CENPT: variants seen among roughly 807,000 people sequenced by gnomAD.
CENPT encodes centromere protein T.
CENPT carries 42 observed loss-of-function variants against 59.7 expected under a neutral mutation model. The ratio of observed to expected loss-of-function variants is 0.70; its 90% CI spans 0.55 to 0.91. The LOEUF (loss-of-function observed/expected upper bound fraction) is 0.91, where lower values mean the gene tolerates loss of function less well. Among genes scored for constraint, CENPT ranks in the 40% least tolerant of loss-of-function variants. CENPT has a pLI of 0.00. For synonymous variants in CENPT, 295 were observed against 289.6 expected (o/e 1.02, Z -0.19); for missense variants, 716 against 713.4 (o/e 1.00, Z -0.04).
Position 67,830,059 on chromosome 16 carries a change from C to G in CENPT, c.892G>C (p.Gly298Arg), listed in dbSNP as rs1011090884. ...AAGGCATTGACCTCCTCTGCCTCTC[C>G]TGCCAGAAACTGGGCTGGTTTCCCA... ...SPGKPAQFLA[G>R]EAEEVNAFAL... The change falls in exon 12 of 16, where the codon GGA (glycine) becomes CGA (arginine). Residue 298 changes from glycine to arginine, a missense_variant. Physicochemically the swap from Gly to Arg is moderately radical, Grantham distance 125. Coordinates refer to ENST00000562787, the MANE Select transcript of CENPT (RefSeq NM_025082.4). 1.9e-6 allele frequency: 3 copies of G among 1,614,240 alleles called. No individual in the cohort carries two copies. The highest frequency in any genetic ancestry group is 2.5e-6 in the Non-Finnish European group (3 of 1,180,040).
chr16:67,833,774 C>A lies in CENPT; in HGVS notation c.86G>T (p.Arg29Leu). Reference protein sequence around the residue: ...VLDTADPRTPRRPRSARAGAR... With the variant: ...VLDTADPRTPLRPRSARAGAR... ...CCCAGCCCGAGCACTCCGGGGTCGC[C>A]GCGGGGTGCGCGGGTCCGCTGTATC... Residue 29 changes from arginine to leucine, a missense_variant, in exon 4 of 16, where the codon CGG becomes CTG. Physicochemically the swap from Arg to Leu is moderately radical, Grantham distance 102 (BLOSUM62 -2). Coordinates refer to ENST00000562787, the MANE Select transcript of CENPT (RefSeq NM_025082.4). The A allele has an allele frequency of 6.4e-7, 1 of 1,558,710 alleles. No homozygotes were observed. The highest frequency in any genetic ancestry group is 1.2e-5 in the South Asian group (1 of 84,730).
intron 1 of CENPT, among the ~76,000 whole-genome samples, chr16:67,837,701 A>AAAAC (rs78450482): frequency 0.016 from 2,479 of 152,180 alleles, 36 homozygotes; most frequent in Non-Finnish European, 0.022. Flanking sequence ...CTCCGTCTCA[A>AAAAC]AAACAAACAA....
chr16:67,832,603 G>C (rs2057704256), intron 4 of CENPT, 58 bp from the exon 5 acceptor site: 1 of 1,474,802 alleles, frequency 6.8e-7, no homozygotes, highest in Admixed American at 1.7e-5. Context: ...AGAGAATATA[G>C]AGACATGCCT....
chr16:67,842,838 C>T lies in CENPT; in HGVS notation c.-492+4563G>A. 1.2e-6 allele frequency: 2 copies of T among 1,608,694 alleles called. No homozygotes were observed. The highest frequency in any genetic ancestry group is 1.7e-6 in the Non-Finnish European group (2 of 1,179,134). ...GAGCGCAAAGTAGCGCGCAGACCCGCTGGGGCCGCGGCCGCCCGCCGCAGG... is the reference window on the plus strand; with the variant it reads ...GAGCGCAAAGTAGCGCGCAGACCCGTTGGGGCCGCGGCCGCCCGCCGCAGG... On this transcript the variant is annotated intron_variant, in intron 1 of 15. Transcript: ENST00000562787. The surrounding 1 kb of genome is among the most constrained non-coding windows in gnomAD (Gnocchi z 4.9).
chr16:67,836,353 C>T (rs1253833484), intron 1 of CENPT, among the ~76,000 whole-genome samples: 21 of 152,188 alleles, frequency 1.4e-4, no homozygotes, highest in Admixed American at 1.4e-3. Flanking sequence ...AGCCACTACA[C>T]CCGGCCCCAG....
In CENPT at chr16:67,829,943, CT is replaced by C; in HGVS notation, c.1007del (p.Lys336ArgfsTer7). On this transcript the variant is annotated frameshift_variant, in exon 12 of 16. Transcript: ENST00000562787. LOFTEE classifies it high-confidence loss of function. ...TCACACTCACACCTTCTTCTTCCATCTTTTTCTCTGCCTCTTCAACTCCATC... is the reference window on the plus strand; with the variant it reads ...TCACACTCACACCTTCTTCTTCCATCTTTTCTCTGCCTCTTCAACTCCATC... ...LHDGVEEAEK[K>X]MEEEGVSVSE... The C allele has an allele frequency of 1.9e-6, 3 of 1,614,218 alleles. No individual in the cohort carries two copies. Among genetic ancestry groups the C allele is most frequent in the Non-Finnish European group, 2.5e-6 (3 of 1,180,034 alleles).
intron 4 of CENPT, 107 bp from the exon 5 acceptor site, chr16:67,832,652 G>T (rs2057704819): frequency 1.0e-6 from 1 of 968,890 alleles, no homozygotes; most frequent in Non-Finnish European, 1.5e-6. Context: ...TTCCCTCAGG[G>T]CTAGGGACCC....
rs749818668 is a variant in CENPT at position 67,843,174 on chromosome 16, C to G, written c.-492+4227G>C. 2.6e-5 allele frequency: 42 copies of G among 1,610,674 alleles called. No homozygotes were observed. The highest frequency in any genetic ancestry group is 3.4e-5 in the Non-Finnish European group (40 of 1,179,568). On this transcript the variant is annotated intron_variant, in intron 1 of 15. Transcript: ENST00000562787. The surrounding 1 kb of genome is among the most constrained non-coding windows in gnomAD (Gnocchi z 5.7). Reference sequence around the variant, plus strand: ...GCAGAGGGCGCAGCCGCTGCGGCCGCCGCGTCGGAGTTACAGGCTGCTACC... The same window carrying G: ...GCAGAGGGCGCAGCCGCTGCGGCCGGCGCGTCGGAGTTACAGGCTGCTACC...
intron 10 of CENPT, 80 bp from the exon 11 acceptor site, chr16:67,830,628 C>T: frequency 6.8e-7 from 1 of 1,460,622 alleles, no homozygotes; most frequent in Non-Finnish European, 9.5e-7. Context: ...ATTCCAGGCC[C>T]ACCGGCTGCT....
intron 1 of CENPT, among the ~76,000 whole-genome samples, chr16:67,837,279 T>A (rs1325743771): frequency 6.6e-6 from 1 of 151,812 alleles, no homozygotes; most frequent in African/African-American, 2.4e-5. Context: ...ACTCAAGCCA[T>A]CCTCCCACCT....
In CENPT at chr16:67,835,152, T is replaced by G. The variant is rs1485038078; in HGVS notation, c.-242+20A>C. 6.6e-6 allele frequency: 1 copy of G among 152,216 alleles called. No individual in the cohort carries two copies. The highest frequency in any genetic ancestry group is 1.5e-5 in the Non-Finnish European group (1 of 68,038). The allele number at this position is 152,216 out of a possible 1,614,324, so 9.4% of individuals were successfully genotyped here. On this transcript the variant is annotated intron_variant, in intron 3 of 15. Transcript: ENST00000562787. ...CACTGCGCCCGGCCATTAAAAATTT[T>G]TAATGCTAGAGATGCTTACCATATT...
intron 1 of CENPT, among the ~76,000 whole-genome samples, chr16:67,835,866 C>A (rs1418917941): frequency 6.7e-6 from 1 of 148,298 alleles, no homozygotes; most frequent in South Asian, 2.1e-4. Flanking sequence ...GAGATGTTCT[C>A]CTGCCTCAGC....
intron 4 of CENPT, among the ~76,000 whole-genome samples, chr16:67,832,807 G>A (rs1410958049): frequency 6.6e-6 from 1 of 152,142 alleles, no homozygotes; most frequent in East Asian, 1.9e-4. Flanking sequence ...TCACAGAGGT[G>A]ACTTCAGCAG....
intron 1 of CENPT, among the ~76,000 whole-genome samples, chr16:67,839,677 A>G (rs1403688927): frequency 2.0e-5 from 3 of 151,998 alleles, no homozygotes; most frequent in East Asian, 2.0e-4. Flanking sequence ...GTGGGAGACC[A>G]GCCAGCCCAA....
Position 67,828,698 on chromosome 16 carries a change from C to T in CENPT, c.1426G>A (p.Glu476Lys), listed in dbSNP as rs1387502974. Residue 476 changes from glutamate (E) to lysine (K), a missense_variant, in exon 14 of 16, where the codon GAG (glutamate) becomes AAG (lysine). Physicochemically the swap from Glu to Lys is moderately conservative, Grantham distance 56. Transcript: ENST00000562787. Reference protein sequence around the residue: ...LFSFYAKMPMERKALEMVEKC... With the variant: ...LFSFYAKMPMKRKALEMVEKC... ...TCCACCATCTCAAGAGCCTTCCTCT[C>T]CATGGGCATCTTGGCATAGAAGCTA... 1.2e-6 allele frequency: 2 copies of T among 1,614,182 alleles called. No individual in the cohort carries two copies. The highest frequency in any genetic ancestry group is 2.2e-5 in the East Asian group (1 of 44,888).
At chr16:67,829,397 T>C in intron 13 of CENPT, 26 bp downstream of exon 13, 1 of 1,559,838 alleles carries the variant, frequency 6.4e-7, no homozygotes, top group Non-Finnish European at 8.7e-7. Flanking sequence ...AAGAGGCCCA[T>C]GAGGAATGGG....
chr16:67,834,490 G>A (rs1432927057), intron 3 of CENPT, among the ~76,000 whole-genome samples: 5 of 152,062 alleles, frequency 3.3e-5, no homozygotes, highest in African/African-American at 9.7e-5. Flanking sequence ...ATGGTGGTGC[G>A]CGCCTGTAGT....
chr16:67,831,723 A>C (rs1307647971), intron 8 of CENPT, 31 bp downstream of exon 8: 2 of 1,585,464 alleles, frequency 1.3e-6, no homozygotes. Flanking sequence ...CAGGAGGGAG[A>C]GGGTAGCAAA....
At position 67,833,806 on chromosome 16, in the gene CENPT, G is replaced by A; in HGVS notation, c.54C>T (p.Arg18=). The A allele has an allele frequency of 6.3e-7, 1 of 1,577,818 alleles. No individual in the cohort carries two copies. The highest frequency in any genetic ancestry group is 8.6e-7 in the Non-Finnish European group (1 of 1,164,056). Residue 18 remains arginine (R), a synonymous_variant, in exon 4 of 16, where the codon CGC becomes CGT. Coordinates refer to ENST00000562787, the MANE Select transcript of CENPT (RefSeq NM_025082.4). ...SDSTPRTLLR[R]VLDTADPRTP... ...TGCGCGGGTCCGCTGTATCCAGCAC[G>A]CGTCGCAGCAGCGTGCGCGGCGTGG...
Sources: allele counts gnomAD v4.1 joint callset (sites outside exome capture counted in the v4.1 genomes callset), GRCh38; gene constraint gnomAD v4.1.1; non-coding constraint Gnocchi (gnomAD v3.1); transcripts MANE v1.5; gene names NCBI Gene and HGNC (gene_info 2026-07-23, HGNC 2026-07-21).